The following EPS15 variants were observed in gnomAD, a reference collection of about 807,000 sequenced individuals.
The protein encoded by EPS15 is epidermal growth factor receptor substrate 15.
EPS15 carries 72 observed loss-of-function variants against 113.8 expected under a neutral mutation model. The observed-to-expected ratio is 0.63, with a 90% CI of 0.52 to 0.77. The LOEUF is 0.77. Among genes scored for constraint, EPS15 ranks in the 30% least tolerant of loss-of-function variants. The pLI is 0.00. For synonymous variants in EPS15, 344 were observed against 363.4 expected (o/e 0.95, Z 0.61); for missense variants, 1,048 against 1,045.8 (o/e 1.00, Z -0.03).
chr1:51,507,557 ATAC>A (rs1463021852), intron 1 of EPS15, among the ~76,000 whole-genome samples: 2 of 152,064 alleles, frequency 1.3e-5, no homozygotes, highest in Admixed American at 1.3e-4. Context: ...GCTACTTGGG[ATAC>A]TGAGGCAGGA....
At chr1:51,506,337 A>T in intron 1 of EPS15, among the ~76,000 whole-genome samples, 1 of 152,204 alleles carries the variant, frequency 6.6e-6, no homozygotes, top group East Asian at 1.9e-4. Flanking sequence ...AAATCAACTC[A>T]GTAGATTTAC....
At chr1:51,438,315 T>C (rs1480190819) in intron 12 of EPS15, among the ~76,000 whole-genome samples, 1 of 152,180 alleles carries the variant, frequency 6.6e-6, no homozygotes, top group East Asian at 1.9e-4. Flanking sequence ...AAATATTAGA[T>C]ATGTTATTTT....
At chr1:51,406,799 G>A (rs1649174882) in intron 15 of EPS15, among the ~76,000 whole-genome samples, 1 of 152,124 alleles carries the variant, frequency 6.6e-6, no homozygotes, top group Non-Finnish European at 1.5e-5. Context: ...TAAGTTCCCA[G>A]ACCAAAACCA....
At chr1:51,493,203 T>A (rs889706650) in intron 1 of EPS15, among the ~76,000 whole-genome samples, 1 of 152,160 alleles carries the variant, frequency 6.6e-6, no homozygotes, top group South Asian at 2.1e-4. Flanking sequence ...CTACTAAAAA[T>A]ACAAAAAATT....
intron 13 of EPS15, among the ~76,000 whole-genome samples, chr1:51,417,247 T>C (rs1650315532): frequency 6.6e-6 from 1 of 152,186 alleles, no homozygotes; most frequent in Admixed American, 6.5e-5. Context: ...CTGAATCTTA[T>C]GATGAAACAT....
chr1:51,473,091 A>C lies in EPS15; in HGVS notation c.76-143T>G, dbSNP rs554859854. 1.0e-4 allele frequency: 67 copies of C among 661,056 alleles called. No individual in the cohort carries two copies. In the African/African-American group the frequency reaches 1.1e-3, roughly 11 times the overall value. The allele number at this position is 661,056 out of a possible 1,614,324, so 40.9% of individuals were successfully genotyped here. On this transcript the variant is annotated intron_variant, in intron 2 of 24. Transcript: ENST00000371733. ...TCCTTTGACTACCATGGGCCAAAGA[A>C]TATGTGGACAGACATATGAGTAGTA...
intron 12 of EPS15, among the ~76,000 whole-genome samples, chr1:51,431,415 G>C (rs890062441): frequency 6.6e-6 from 1 of 151,800 alleles, no homozygotes; most frequent in Admixed American, 6.6e-5. Flanking sequence ...CCCAAAATCA[G>C]ATGGTTCATT....
chr1:51,480,555 C>T (rs1302331690), intron 2 of EPS15, among the ~76,000 whole-genome samples: 1 of 152,150 alleles, frequency 6.6e-6, no homozygotes, highest in African/African-American at 2.4e-5. Flanking sequence ...ACTCTTTTTG[C>T]ACAAGCTGGA....
intron 1 of EPS15, among the ~76,000 whole-genome samples, chr1:51,488,535 T>G (rs1347279875): frequency 2.7e-5 from 4 of 150,624 alleles, no homozygotes; most frequent in Non-Finnish European, 4.4e-5. Flanking sequence ...AAGCCCATTC[T>G]ACTACTTCTT....
intron 21 of EPS15, among the ~76,000 whole-genome samples, chr1:51,381,381 T>G (rs1364858947): frequency 6.6e-6 from 1 of 152,100 alleles, no homozygotes; most frequent in Non-Finnish European, 1.5e-5. Context: ...TCCCTTGAGA[T>G]CAGGAGTTCG....
chr1:51,357,341 C>T (rs1326048369), intron 24 of EPS15, among the ~76,000 whole-genome samples: 7 of 135,236 alleles, frequency 5.2e-5, no homozygotes, highest in African/African-American at 1.7e-4. Context: ...TGCACCCCTG[C>T]ACTCCAGCCT....
intron 11 of EPS15, among the ~76,000 whole-genome samples, chr1:51,441,463 T>C (rs1652590736): frequency 6.6e-6 from 1 of 152,106 alleles, no homozygotes. Context: ...AATTACCATC[T>C]GGAAATGTTA....
chr1:51,424,581 T>A (rs1321710081), intron 12 of EPS15, among the ~76,000 whole-genome samples: 2 of 152,190 alleles, frequency 1.3e-5, no homozygotes, highest in African/African-American at 4.8e-5. Flanking sequence ...TATAGGTAGA[T>A]AAGACAGATA....
Position 51,361,211 on chromosome 1 carries a change from T to A in EPS15, c.2504A>T (p.Asn835Ile). 2 of 1,614,092 alleles carry A rather than the reference T, an allele frequency of 1.2e-6. No homozygotes were observed. Among genetic ancestry groups the A allele is most frequent in the Non-Finnish European group, 1.7e-6 (2 of 1,179,938 alleles). The change falls in exon 24 of 25, where the codon AAT becomes ATT. Residue 835 changes from asparagine to isoleucine, a missense_variant. Coordinates refer to ENST00000371733, the MANE Select transcript of EPS15 (RefSeq NM_001981.3). ...DPFTSATTTT[N>I]KEADPSNFAN... ...AAAATTGCTTGGATCAGCCTCTTTATTGGTAGTGGTAGTAGCAGAAGTGAA... is the reference window on the plus strand; with the variant it reads ...AAAATTGCTTGGATCAGCCTCTTTAATGGTAGTGGTAGTAGCAGAAGTGAA...
chr1:51,490,031 T>C (rs1644202472), intron 1 of EPS15, among the ~76,000 whole-genome samples: 1 of 152,160 alleles, frequency 6.6e-6, no homozygotes, highest in South Asian at 2.1e-4. Flanking sequence ...TGTTAACACA[T>C]AAGTAAATCA....
chr1:51,412,551 G>C (rs927651863), intron 13 of EPS15, among the ~76,000 whole-genome samples: 2 of 152,064 alleles, frequency 1.3e-5, no homozygotes, highest in Non-Finnish European at 2.9e-5. Flanking sequence ...TTTCAAACTG[G>C]TGAACTCCTT....
intron 21 of EPS15, among the ~76,000 whole-genome samples, chr1:51,371,866 A>G (rs1401147539): frequency 6.6e-6 from 1 of 152,178 alleles, no homozygotes; most frequent in East Asian, 1.9e-4. Flanking sequence ...AGTGTCCTAT[A>G]CAGATGTACC....
intron 5 of EPS15, among the ~76,000 whole-genome samples, chr1:51,467,432 C>T (rs987341287): frequency 2.0e-5 from 3 of 152,006 alleles, no homozygotes; most frequent in Admixed American, 6.5e-5. Context: ...AACTAAAAGC[C>T]TATCAATAGA....
chr1:51,415,096 T>G (rs930238098), intron 13 of EPS15, among the ~76,000 whole-genome samples: 13 of 152,314 alleles, frequency 8.5e-5, no homozygotes, highest in African/African-American at 3.1e-4. Context: ...GTGACTAAAT[T>G]TTTATGTAAG....
Sources: allele counts gnomAD v4.1 joint callset (sites outside exome capture counted in the v4.1 genomes callset), GRCh38; gene constraint gnomAD v4.1.1; transcripts MANE v1.5; gene names NCBI Gene and HGNC (gene_info 2026-07-23, HGNC 2026-07-21).